USP32: variants seen among roughly 807,000 people sequenced by gnomAD.
The protein encoded by USP32 is ubiquitin specific peptidase 32, also known as ubiquitin carboxyl-terminal hydrolase 32.
USP32 carries 59 observed loss-of-function variants against 204.8 expected under a neutral mutation model. That is an observed-to-expected ratio of 0.29 (90% CI 0.23 to 0.36). The LOEUF is 0.36. Ranked by LOEUF, USP32 falls within the 10% of genes least tolerant of loss-of-function variation. The pLI is 1.00. For missense variants in USP32, 1,160 were observed against 1,946.4 expected (o/e 0.60, Z 7.60); for synonymous variants, 517 against 678.4 (o/e 0.76, Z 3.70).
intron 33 of USP32, among the ~76,000 whole-genome samples, chr17:60,180,028 G>GTT (rs775809734): frequency 6.9e-5 from 10 of 144,684 alleles, no homozygotes; most frequent in Admixed American, 2.8e-4. Context: ...ACTAACTCCT[G>GTT]TTTTTTTTTT....
intron 5 of USP32, 108 bp downstream of exon 5, chr17:60,288,415 G>T: frequency 7.5e-7 from 1 of 1,331,092 alleles, no homozygotes; most frequent in East Asian, 2.5e-5. Flanking sequence ...ACTCCAGCCT[G>T]GGACAGAATT....
Position 60,188,102 on chromosome 17 carries a change from T to G in USP32, c.3643-2451A>C, listed in dbSNP as rs1294961650. Among the ~76,000 whole-genome samples the G allele has an allele frequency of 2.6e-5, 4 of 152,258 alleles. No homozygotes were observed. In the South Asian group the frequency reaches 8.3e-4, roughly 32 times the overall value. On this transcript the variant is annotated intron_variant, in intron 29 of 33. Coordinates refer to ENST00000300896, the MANE Select transcript of USP32 (RefSeq NM_032582.4). ...TTCAAGCAGCCCTCCAACCTCAGCC[T>G]CCCAAGTAGCTGGGACTACAGGTGC... is the stretch of plus-strand genomic sequence containing the variant.
At chr17:60,403,663 C>T (rs1172829853) in intron 1 of USP32, among the ~76,000 whole-genome samples, 2 of 152,062 alleles carry the variant, frequency 1.3e-5, no homozygotes, top group African/African-American at 2.4e-5. Flanking sequence ...GAAAGGGGGT[C>T]GTGATGTATT....
intron 1 of USP32, among the ~76,000 whole-genome samples, chr17:60,362,007 C>A (rs1284309356): frequency 6.6e-6 from 1 of 152,114 alleles, no homozygotes; most frequent in Non-Finnish European, 1.5e-5. Context: ...CAAAGTTGTT[C>A]TTGGCTTTAC....
At chr17:60,250,037 G>C (rs2086128581) in intron 11 of USP32, among the ~76,000 whole-genome samples, 1 of 151,990 alleles carries the variant, frequency 6.6e-6, no homozygotes, top group Non-Finnish European at 1.5e-5. Context: ...AAAACCCACA[G>C]ATGAAATGAA....
chr17:60,396,312 A>C (rs2146155174), upstream of USP32, among the ~76,000 whole-genome samples: 1 of 152,226 alleles, frequency 6.6e-6, no homozygotes, highest in African/African-American at 2.4e-5. Context: ...CCTGGGCTCA[A>C]GTAATCCGCC....
At chr17:60,414,409 C>T (rs564473460) in intron 1 of USP32, among the ~76,000 whole-genome samples, 33 of 151,572 alleles carry the variant, frequency 2.2e-4, no homozygotes, top group African/African-American at 7.5e-4. Flanking sequence ...CTCTAACTTC[C>T]TTGGTGATTG....
chr17:60,312,521 GC>G (rs981105288), intron 2 of USP32, among the ~76,000 whole-genome samples: 2 of 151,838 alleles, frequency 1.3e-5, no homozygotes, highest in African/African-American at 4.8e-5. Context: ...GACCTCCCAG[GC>G]TCAAGTGATC....
In USP32 at chr17:60,220,788, A is replaced by C. The variant is rs181283798; in HGVS notation, c.1750-1001T>G. 6.9e-3 allele frequency among the ~76,000 whole-genome samples: 1,047 copies of C among 151,640 alleles called. 11 individuals are homozygous for C. Among genetic ancestry groups the C allele is most frequent in the African/African-American group, 0.023 (949 of 41,320 alleles). On this transcript the variant is annotated intron_variant, in intron 15 of 33. Coordinates refer to ENST00000300896, the MANE Select transcript of USP32 (RefSeq NM_032582.4). Reference sequence around the variant, plus strand: ...CCTCCCAAGTAGCTGGGAATACAGGAGCCCGCCACCACGCCTGGCTAATTT... The same window carrying C: ...CCTCCCAAGTAGCTGGGAATACAGGCGCCCGCCACCACGCCTGGCTAATTT...
chr17:60,284,214 CTTTTTT>C (rs1181309647), intron 5 of USP32, among the ~76,000 whole-genome samples: 1 of 132,168 alleles, frequency 7.6e-6, no homozygotes, highest in Non-Finnish European at 1.6e-5. Context: ...TTTTTCTTTT[CTTTTTT>C]TTTTTTTTTT....
chr17:60,299,411 T>C (rs200295075), intron 3 of USP32, among the ~76,000 whole-genome samples: 3 of 152,034 alleles, frequency 2.0e-5, no homozygotes, highest in East Asian at 3.9e-4. Flanking sequence ...CATCATCCCA[T>C]AGCGGAAAGC....
intron 1 of USP32, among the ~76,000 whole-genome samples, chr17:60,405,941 C>G (rs2089971944): frequency 1.3e-5 from 2 of 151,984 alleles, no homozygotes; most frequent in Non-Finnish European, 2.9e-5. Flanking sequence ...ATTGCTTGAG[C>G]CCCAGAGTTG....
intron 2 of USP32, 84 bp downstream of exon 2, chr17:60,345,397 G>A (rs2088761404): frequency 3.2e-6 from 5 of 1,549,892 alleles, no homozygotes; most frequent in Middle Eastern, 1.8e-4. Flanking sequence ...GATTAAATCT[G>A]TTAAGAGCAG....
intron 21 of USP32, among the ~76,000 whole-genome samples, chr17:60,210,774 A>G (rs188477034): frequency 1.3e-5 from 2 of 152,392 alleles, no homozygotes; most frequent in Admixed American, 1.3e-4. Context: ...ACAAATTAGT[A>G]AAATGAATGA....
intron 11 of USP32, among the ~76,000 whole-genome samples, chr17:60,243,820 G>C (rs370561663): frequency 6.6e-6 from 1 of 152,112 alleles, no homozygotes; most frequent in African/African-American, 2.4e-5. Context: ...TTGGCTGAAG[G>C]GTTCTGTTGG....
chr17:60,288,612 C>A lies in USP32; in HGVS notation c.482G>T (p.Arg161Leu). The A allele has an allele frequency of 6.2e-7, 1 of 1,613,520 alleles. No individual in the cohort carries two copies. The highest frequency in any genetic ancestry group is 8.5e-7 in the Non-Finnish European group (1 of 1,179,784). ...FLNKDAFTFS[R>L]WLLSGGVYVT... ...ATACACACCTCCAGATAGAAGCCAT[C>A]GAGAGAAAGTAAAAGCATCTTTGTT... is the stretch of plus-strand genomic sequence containing the variant. The change falls in exon 5 of 34, where the codon CGA becomes CTA. Residue 161 changes from arginine to leucine, a missense_variant. Arg to Leu is a moderately radical substitution (Grantham distance 102, BLOSUM62 -2). Around this residue, in one of 8 missense-constraint regions of USP32, gnomAD observed 536 missense variants for 680.9 expected, o/e 0.79. Coordinates refer to ENST00000300896, the MANE Select transcript of USP32 (RefSeq NM_032582.4).
At chr17:60,283,543 T>C (rs1001575042) in intron 5 of USP32, among the ~76,000 whole-genome samples, 2 of 152,118 alleles carry the variant, frequency 1.3e-5, no homozygotes, top group Admixed American at 6.5e-5. Context: ...AAGAAATATG[T>C]CTGAGTTAAG....
chr17:60,345,591 T>G lies in USP32; in HGVS notation c.76A>C (p.Lys26Gln). 6.2e-7 allele frequency: 1 copy of G among 1,614,180 alleles called. No individual in the cohort carries two copies. The highest frequency in any genetic ancestry group is 8.5e-7 in the Non-Finnish European group (1 of 1,179,990). ...CTCTTGAAAGCATCCTTCAGTCGTTTTAGCTCTACATCTGTAACTGCAATT... is the reference window on the plus strand; with the variant it reads ...CTCTTGAAAGCATCCTTCAGTCGTTGTAGCTCTACATCTGTAACTGCAATT... ...ALRRVTDVEL[K>Q]RLKDAFKRTC... The change falls in exon 2 of 34, where the codon AAA becomes CAA. Residue 26 changes from lysine (K) to glutamine (Q), a missense_variant. Transcript: ENST00000300896.
upstream of USP32, among the ~76,000 whole-genome samples, chr17:60,392,941 C>T (rs1441635289): frequency 6.6e-6 from 1 of 152,066 alleles, no homozygotes; most frequent in African/African-American, 2.4e-5. Context: ...CAAGGCTTAG[C>T]GTGGAGTCGT....
Sources: gnomAD v4.1 joint callset for allele counts (sites outside exome capture counted in the v4.1 genomes callset) on GRCh38, gnomAD v4.1.1 for gene constraint, gnomAD v4.1.1 regional missense constraint, MANE v1.5 for transcripts, NCBI Gene and HGNC (gene_info 2026-07-23, HGNC 2026-07-21) for gene names.